The following LRFN5 variants were observed in gnomAD, a reference collection of about 807,000 sequenced individuals.
LRFN5 encodes leucine-rich repeat and fibronectin type-III domain-containing protein 5.
LRFN5 carries 24 observed loss-of-function variants against 45.6 expected under a neutral mutation model. That is an observed-to-expected ratio of 0.53 (90% CI 0.38 to 0.74). LRFN5 has a LOEUF of 0.74. Ranked by LOEUF, LRFN5 falls within the 30% of genes least tolerant of loss-of-function variation. LRFN5 has a pLI of 0.00. For synonymous variants in LRFN5, 340 were observed against 313.8 expected (o/e 1.08, Z -0.88); for missense variants, 776 against 861.5 (o/e 0.90, Z 1.24).
At chr14:41,892,966 G>A (rs1890832571) in intron 4 of LRFN5, 3 of 985,096 alleles carry the variant, frequency 3.0e-6, no homozygotes, top group Non-Finnish European at 3.6e-6. Context: ...TTTATCAAAG[G>A]GGTGTTTATT....
At chr14:41,874,710 T>G (rs2139125228) in intron 2 of LRFN5, among the ~76,000 whole-genome samples, 1 of 152,286 alleles carries the variant, frequency 6.6e-6, no homozygotes, top group Admixed American at 6.5e-5. Context: ...TCTAAATGAA[T>G]ATATTAGTCA....
At chr14:41,618,895 G>A (rs1424370250) in intron 1 of LRFN5, among the ~76,000 whole-genome samples, 1 of 151,910 alleles carries the variant, frequency 6.6e-6, no homozygotes, top group Admixed American at 6.6e-5. Context: ...TTACACCTTT[G>A]GAAATATTTG....
chr14:41,881,365 T>C (rs558496897), intron 2 of LRFN5, among the ~76,000 whole-genome samples: 2 of 151,990 alleles, frequency 1.3e-5, no homozygotes, highest in East Asian at 3.9e-4. Flanking sequence ...TATTATTTCA[T>C]TTTCTTTTGA....
chr14:41,796,195 T>G (rs879856778), intron 2 of LRFN5, among the ~76,000 whole-genome samples: 3 of 151,984 alleles, frequency 2.0e-5, no homozygotes, highest in African/African-American at 4.8e-5. Context: ...TCTAATCACC[T>G]CTTAAAGATT....
At chr14:41,892,950 A>G in intron 4 of LRFN5, 1 of 985,304 alleles carries the variant, frequency 1.0e-6, no homozygotes, top group Non-Finnish European at 1.2e-6. Flanking sequence ...AACATACAAG[A>G]CTGCCTTTAT....
chr14:41,667,973 A>C (rs1458353155), intron 1 of LRFN5, among the ~76,000 whole-genome samples: 1 of 152,174 alleles, frequency 6.6e-6, no homozygotes, highest in Non-Finnish European at 1.5e-5. Context: ...ACTATTCTTC[A>C]TTTTGTTATT....
At chr14:41,667,270 A>G (rs1289246628) in intron 1 of LRFN5, among the ~76,000 whole-genome samples, 2 of 152,114 alleles carry the variant, frequency 1.3e-5, no homozygotes, top group Non-Finnish European at 1.5e-5. Context: ...TCTCATGGGT[A>G]TTTTTACTGC....
At chr14:41,772,286 T>C (rs932704764) in intron 2 of LRFN5, among the ~76,000 whole-genome samples, 4 of 152,172 alleles carry the variant, frequency 2.6e-5, no homozygotes, top group Non-Finnish European at 5.9e-5. Flanking sequence ...CGTTGCAACA[T>C]AAGTTTTAAA....
At chr14:41,805,228 G>A (rs1421287044) in intron 2 of LRFN5, among the ~76,000 whole-genome samples, 1 of 151,462 alleles carries the variant, frequency 6.6e-6, no homozygotes, top group Non-Finnish European at 1.5e-5. Context: ...AAAAAATATT[G>A]GCCAGACTGG....
At chr14:41,785,681 A>G (rs967466360) in intron 2 of LRFN5, among the ~76,000 whole-genome samples, 5 of 152,168 alleles carry the variant, frequency 3.3e-5, no homozygotes, top group Non-Finnish European at 7.4e-5. Context: ...AAATAGTTAT[A>G]CAACTCACCA....
chr14:41,776,936 T>C lies in LRFN5; in HGVS notation c.-21+9907T>C, dbSNP rs139548807. Among the ~76,000 whole-genome samples, 278 of 152,196 alleles carry C rather than the reference T, an allele frequency of 1.8e-3. 1 individual carries two copies. Among genetic ancestry groups the C allele is most frequent in the African/African-American group, 5.9e-3 (247 of 41,586 alleles). ...TTTCCATACTTATAACCAATTGTCTTGTATTGTTTATTTAATAATGTATCC... is the reference window on the plus strand; with the variant it reads ...TTTCCATACTTATAACCAATTGTCTCGTATTGTTTATTTAATAATGTATCC... On this transcript the variant is annotated intron_variant, in intron 2 of 5. Coordinates refer to ENST00000298119, the MANE Select transcript of LRFN5 (RefSeq NM_152447.5).
chr14:41,803,091 C>G (rs1268908034), intron 2 of LRFN5, among the ~76,000 whole-genome samples: 1 of 151,934 alleles, frequency 6.6e-6, no homozygotes, highest in East Asian at 1.9e-4. Flanking sequence ...AAATAGAGTA[C>G]TATAAAGATA....
intron 1 of LRFN5, among the ~76,000 whole-genome samples, chr14:41,740,677 A>G (rs61992388): frequency 0.13 from 19,807 of 151,920 alleles, 1,533 homozygotes; most frequent in Non-Finnish European, 0.18. Context: ...ACTTCTATTC[A>G]TTATAGTATT....
chr14:41,869,585 G>A (rs557130425), intron 2 of LRFN5, among the ~76,000 whole-genome samples: 1 of 152,066 alleles, frequency 6.6e-6, no homozygotes, highest in East Asian at 1.9e-4. Flanking sequence ...TCATGCTGCT[G>A]ATAAAGATGT....
At chr14:41,752,847 A>G (rs1472348280) in intron 1 of LRFN5, among the ~76,000 whole-genome samples, 1 of 152,174 alleles carries the variant, frequency 6.6e-6, no homozygotes, top group Non-Finnish European at 1.5e-5. Context: ...GCCCATGCCT[A>G]TGTCCTGAAT....
intron 2 of LRFN5, among the ~76,000 whole-genome samples, chr14:41,777,936 G>C (rs1461121255): frequency 6.8e-6 from 1 of 146,608 alleles, no homozygotes; most frequent in Non-Finnish European, 1.5e-5. Flanking sequence ...CTTTAAGATG[G>C]TAATTCTTCA....
chr14:41,852,908 G>T (rs1011152627), intron 2 of LRFN5, among the ~76,000 whole-genome samples: 7 of 151,746 alleles, frequency 4.6e-5, no homozygotes, highest in East Asian at 1.9e-4. Flanking sequence ...CAAATGGAGG[G>T]TATTTTTTCT....
At chr14:41,820,785 C>A (rs1301216743) in intron 2 of LRFN5, among the ~76,000 whole-genome samples, 1 of 151,894 alleles carries the variant, frequency 6.6e-6, no homozygotes, top group African/African-American at 2.4e-5. Context: ...GTATCATCTA[C>A]AATTTCCTTC....
At chr14:41,734,320 A>T (rs1195692344) in intron 1 of LRFN5, among the ~76,000 whole-genome samples, 17 of 66,282 alleles carry the variant, frequency 2.6e-4, no homozygotes, top group African/African-American at 1.5e-3. Flanking sequence ...CTGGTTTTAT[A>T]TATATATATA....
Sources: allele counts gnomAD v4.1 joint callset (sites outside exome capture counted in the v4.1 genomes callset), GRCh38; gene constraint gnomAD v4.1.1; transcripts MANE v1.5; gene names NCBI Gene and HGNC (gene_info 2026-07-23, HGNC 2026-07-21).